The following PRDM7 variants were observed in gnomAD, a reference collection of about 807,000 sequenced individuals.
PRDM7 encodes the protein PR/SET domain 7.
In PRDM7, 52 loss-of-function variants were observed where a neutral mutation model predicts 64.3. That is an observed-to-expected ratio of 0.81 (90% confidence interval 0.65 to 1.02). The LOEUF (loss-of-function observed/expected upper bound fraction) is 1.02. Among genes scored for constraint, PRDM7 ranks in the 50% least tolerant of loss-of-function variants. PRDM7 has a pLI of 0.00. For synonymous variants in PRDM7, 192 were observed against 210.1 expected (o/e 0.91, Z 0.74); for missense variants, 574 against 597.1 (o/e 0.96, Z 0.40).
rs543528336 is a variant in PRDM7, at chr16:90,062,410, C to T, written c.601G>A (p.Asp201Asn). The stretch of plus-strand genomic sequence containing the variant: ...TGAAAGGGTCACTCACAGAGGTAGT[C>T]ATCATCCTGTGGCTCGCTGATCTCT... The part of the protein sequence containing the change: ...YKEISEPQDD[D>N]YLYCEMCQNF... Residue 201 changes from aspartate to asparagine, a missense_variant, in exon 7 of 11, where the codon GAC (aspartate) becomes AAC (asparagine). Asp to Asn is a conservative substitution (Grantham distance 23). Transcript: ENST00000449207. The T allele has an allele frequency of 1.3e-5, 21 of 1,614,080 alleles. No individual in the cohort carries two copies. Among genetic ancestry groups the T allele is most frequent in the Non-Finnish European group, 1.8e-5 (21 of 1,179,926 alleles).
In PRDM7 at chr16:90,061,447, C is replaced by T. The variant is rs746199937; in HGVS notation, c.950+5G>A. 3.1e-6 allele frequency: 5 copies of T among 1,589,820 alleles called. No individual in the cohort carries two copies. On this transcript the variant is annotated splice_donor_5th_base_variant and intron_variant, in intron 9 of 10. Coordinates refer to ENST00000449207, the MANE Select transcript of PRDM7 (RefSeq NM_001098173.2). ...CTCTGAAACTAAGAGACCTAGTGGCCTTACCTCATCCAGTTGGCCGAGGAT... is the reference window on the plus strand; with the variant it reads ...CTCTGAAACTAAGAGACCTAGTGGCTTTACCTCATCCAGTTGGCCGAGGAT...
intron 8 of PRDM7, 44 bp from the exon 9 acceptor site, chr16:90,061,563 A>C: frequency 6.5e-7 from 1 of 1,542,846 alleles, no homozygotes; most frequent in Non-Finnish European, 9.0e-7. Context: ...GAGGGTAAAA[A>C]TCCGAAGAAT....
intron 4 of PRDM7, among the ~76,000 whole-genome samples, chr16:90,067,468 T>C (rs1322364533): frequency 6.6e-6 from 1 of 151,174 alleles, no homozygotes; most frequent in Non-Finnish European, 1.5e-5. Flanking sequence ...AAGGTATACC[T>C]AATAAGGTGT....
At chr16:90,065,896 C>T (rs1235732006) in intron 5 of PRDM7, among the ~76,000 whole-genome samples, 2 of 151,248 alleles carry the variant, frequency 1.3e-5, no homozygotes, top group African/African-American at 2.5e-5. Context: ...TCAGAAAACA[C>T]TCAGGAGGCT....
intron 4 of PRDM7, among the ~76,000 whole-genome samples, chr16:90,072,202 GC>G (rs1487073337): frequency 4.0e-5 from 6 of 149,376 alleles, no homozygotes; most frequent in African/African-American, 1.5e-4. Flanking sequence ...CTGCACTCCA[GC>G]CTGGGCGACA....
In PRDM7 at chr16:90,060,676, C is replaced by T. The variant is rs1358653067; in HGVS notation, c.951-53G>A. On this transcript the variant is annotated intron_variant, in intron 9 of 10. Coordinates refer to ENST00000449207, the MANE Select transcript of PRDM7 (RefSeq NM_001098173.2). ...AAAGAGGCAGTGAGTTCCCTCCAGG[C>T]AGGATGACTACAATGCTCATCCTGC... 11 of 1,598,514 alleles carry T rather than the reference C, an allele frequency of 6.9e-6. 1 individual carries two copies. Among genetic ancestry groups the T allele is most frequent in the South Asian group, 6.6e-5 (6 of 90,702 alleles).
At chr16:90,073,126 C>T (rs777374918) in intron 4 of PRDM7, among the ~76,000 whole-genome samples, 32 of 152,112 alleles carry the variant, frequency 2.1e-4, no homozygotes, top group Non-Finnish European at 4.1e-4. Context: ...ATCAGGGCAA[C>T]TAAACAGCTC....
Position 90,058,176 on chromosome 16 carries a change from G to T in PRDM7, c.*113C>A. On this transcript the variant is annotated 3_prime_UTR_variant, in exon 11 of 11. Transcript: ENST00000449207. The stretch of plus-strand genomic sequence containing the variant: ...CTGTGTTCCCTGGATTCACTTTCTG[G>T]CCTGTTCTGGACTCTTCTTCCATCA... 2 of 1,614,130 alleles carry T rather than the reference G, an allele frequency of 1.2e-6. No individual in the cohort carries two copies. The highest frequency in any genetic ancestry group is 1.7e-5 in the Admixed American group (1 of 60,022).
At chr16:90,071,061 G>C (rs2037948878) in intron 4 of PRDM7, among the ~76,000 whole-genome samples, 1 of 152,228 alleles carries the variant, frequency 6.6e-6, no homozygotes, top group Non-Finnish European at 1.5e-5. Context: ...TAGAACACTT[G>C]CTTATTGTTG....
chr16:90,075,581 G>C lies in PRDM7; in HGVS notation c.70-107C>G. ...TAGCCTGGGGCCTCTGGGAGTCTCT[G>C]TGAAACATAAAGACCTTCCCTCCTT... is the stretch of plus-strand genomic sequence containing the variant. On this transcript the variant is annotated intron_variant, in intron 2 of 10. Coordinates refer to ENST00000449207, the MANE Select transcript of PRDM7 (RefSeq NM_001098173.2). The surrounding 1 kb of genome is among the most constrained non-coding windows in gnomAD (Gnocchi z 4.3). The C allele has an allele frequency of 6.4e-7, 1 of 1,572,460 alleles. No homozygotes were observed.
In PRDM7 at chr16:90,058,408, AG is replaced by A. The variant is rs753563014; in HGVS notation, c.1359del (p.Phe454SerfsTer19). 17 of 1,614,062 alleles carry A rather than the reference AG, an allele frequency of 1.1e-5. No homozygotes were observed. The highest frequency in any genetic ancestry group is 1.4e-5 in the Non-Finnish European group (16 of 1,180,044). On this transcript the variant is annotated frameshift_variant, in exon 11 of 11. Transcript: ENST00000449207. LOFTEE classifies it high-confidence loss of function. ...TGGGCAGGGATTCTCTGGTTGGAGAAGTTTTCTTGCAGATGGTCCTGGGAAG... is the reference window on the plus strand; with the variant it reads ...TGGGCAGGGATTCTCTGGTTGGAGAATTTTCTTGCAGATGGTCCTGGGAAG... ...LRTSQDHLQE[N>X]FSNQRIPAQG...
chr16:90,076,328 C>A (rs754898092), intron 1 of PRDM7, among the ~76,000 whole-genome samples: 4 of 152,050 alleles, frequency 2.6e-5, no homozygotes, highest in Non-Finnish European at 4.4e-5. Context: ...CTCAAGGAGA[C>A]CTTGAGGCCC....
Position 90,075,722 on chromosome 16 carries a change from C to G in PRDM7, c.69+120G>C. On this transcript the variant is annotated intron_variant, in intron 2 of 10. Coordinates refer to ENST00000449207, the MANE Select transcript of PRDM7 (RefSeq NM_001098173.2). The surrounding 1 kb of genome is among the most constrained non-coding windows in gnomAD (Gnocchi z 4.3). ...TTCTCCCCCATGTCCTGGCCAGGAC[C>G]AGCTGCCCCCATTCCATGCACATTC... 3 of 1,367,618 alleles carry G rather than the reference C, an allele frequency of 2.2e-6. No homozygotes were observed. Among genetic ancestry groups the G allele is most frequent in the Non-Finnish European group, 3.1e-6 (3 of 981,924 alleles). 84.7% of individuals were successfully genotyped at this position (1,367,618 alleles called of 1,614,324 possible).
At chr16:90,059,308 A>T (rs1409562581) in intron 10 of PRDM7, among the ~76,000 whole-genome samples, 2 of 152,232 alleles carry the variant, frequency 1.3e-5, no homozygotes, top group African/African-American at 4.8e-5. Flanking sequence ...CAGGCTGCAC[A>T]TCAAGTATTC....
In PRDM7 at chr16:90,057,892, G is replaced by T. The variant is rs1405282140; in HGVS notation, c.*397C>A. 2 of 1,533,118 alleles carry T rather than the reference G, an allele frequency of 1.3e-6. No individual in the cohort carries two copies. Among genetic ancestry groups the T allele is most frequent in the African/African-American group, 2.7e-5 (2 of 73,374 alleles). 95.0% of individuals were successfully genotyped at this position (1,533,118 alleles called of 1,614,324 possible). On this transcript the variant is annotated 3_prime_UTR_variant, in exon 11 of 11. Coordinates refer to ENST00000449207, the MANE Select transcript of PRDM7 (RefSeq NM_001098173.2). ...CTCCCCTGTGTGTCCTCTGGTGAAT[G>T]AGGAGGACTGACTTCCGGCTAAAGC...
In PRDM7 at chr16:90,058,296, T is replaced by A. The variant is rs542218510; in HGVS notation, c.1472A>T (p.Asn491Ile). 10 of 1,614,144 alleles carry A rather than the reference T, an allele frequency of 6.2e-6. No homozygotes were observed. In the African/African-American group the frequency reaches 1.1e-4, roughly 17 times the overall value. The change falls in exon 11 of 11, where the codon AAC becomes ATC. Residue 491 changes from asparagine to isoleucine, a missense_variant. Asn to Ile is a moderately radical substitution (Grantham distance 149). Transcript: ENST00000449207. ...PKVKRSKKGP[N>I]S ...TCTGCCATGTCCTTTTATTCAAGAG[T>A]TTGGACCTTTCTTTGATCTCTTGAC...
intron 9 of PRDM7, 78 bp downstream of exon 9, chr16:90,061,374 G>A (rs1265270958): frequency 2.2e-5 from 31 of 1,403,714 alleles, no homozygotes; most frequent in Admixed American, 3.5e-5. Context: ...ATTGAGGGAG[G>A]CATAATGAGA....
chr16:90,066,684 C>T (rs373468965), intron 5 of PRDM7, among the ~76,000 whole-genome samples, 177 bp downstream of exon 5: 20 of 151,300 alleles, frequency 1.3e-4, no homozygotes, highest in Middle Eastern at 3.4e-3. Flanking sequence ...CCCATGGTAG[C>T]GATTATTGTT....
intron 4 of PRDM7, among the ~76,000 whole-genome samples, chr16:90,073,474 A>G (rs1037035769): frequency 1.3e-5 from 2 of 149,554 alleles, no homozygotes; most frequent in Non-Finnish European, 3.0e-5. Context: ...ATCTCAGCTC[A>G]CTGCAAGCTC....
Sources: allele counts gnomAD v4.1 joint callset (sites outside exome capture counted in the v4.1 genomes callset), GRCh38; gene constraint gnomAD v4.1.1; non-coding constraint Gnocchi (gnomAD v3.1); transcripts MANE v1.5; gene names NCBI Gene and HGNC (gene_info 2026-07-23, HGNC 2026-07-21).